The following DIS3L2 variants were observed in gnomAD, a reference collection of about 807,000 sequenced individuals.
The protein encoded by DIS3L2 is DIS3-like exonuclease 2.
A neutral mutation model predicts 97.5 loss-of-function variants in DIS3L2; 34 were observed. That is an observed-to-expected ratio of 0.35 (90% confidence interval 0.27 to 0.46). DIS3L2 has a LOEUF of 0.46. DIS3L2 is among the 20% of genes least tolerant of loss of function. The pLI is 1.00. For synonymous variants in DIS3L2, 435 were observed against 445.2 expected (o/e 0.98, Z 0.29); for missense variants, 1,038 against 1,146.0 (o/e 0.91, Z 1.36).
At position 232,336,762 on chromosome 2, in the gene DIS3L2, A is replaced by ATTT; in HGVS notation, c.*135_*137dup. 6.7e-7 allele frequency: 1 copy of ATTT among 1,481,964 alleles called. No homozygotes were observed. Among genetic ancestry groups the ATTT allele is most frequent in the South Asian group, 1.3e-5 (1 of 75,866 alleles). The allele number at this position is 1,481,964 out of a possible 1,614,324, so 91.8% of individuals were successfully genotyped here. Reference sequence around the variant, plus strand: ...AGGGGTTTGTTTTTATTTTTATTTAATTTTTGCAGCTCAACTTTTAAACAA... The same window carrying ATTT: ...AGGGGTTTGTTTTTATTTTTATTTAATTTTTTTTGCAGCTCAACTTTTAAACAA... On this transcript the variant is annotated 3_prime_UTR_variant, in exon 21 of 21. Transcript: ENST00000325385.
intron 6 of DIS3L2, among the ~76,000 whole-genome samples, chr2:232,102,337 C>T (rs952010279): frequency 6.6e-6 from 1 of 152,036 alleles, no homozygotes; most frequent in Non-Finnish European, 1.5e-5. Context: ...TTGGTTAGAA[C>T]CTGGGTTGGG....
intron 5 of DIS3L2, among the ~76,000 whole-genome samples, chr2:232,078,035 C>G (rs7584461): frequency 3.1e-4 from 28 of 91,166 alleles, no homozygotes; most frequent in Non-Finnish European, 5.3e-4. Context: ...CTTTCTCTTT[C>G]TCTTTCTTTT....
At chr2:231,968,339 G>GC (rs1045724779) in intron 1 of DIS3L2, among the ~76,000 whole-genome samples, 2 of 152,068 alleles carry the variant, frequency 1.3e-5, no homozygotes, top group African/African-American at 4.8e-5. Flanking sequence ...CTCGTGATCC[G>GC]CCCGCCTCGG....
At chr2:232,011,851 A>C (rs1342722698) in intron 1 of DIS3L2, among the ~76,000 whole-genome samples, 1 of 150,742 alleles carries the variant, frequency 6.6e-6, no homozygotes, top group East Asian at 2.0e-4. Context: ...GGGTTTCGCC[A>C]TGTTGCCCAG....
chr2:232,128,160 T>G (rs1698119075), intron 6 of DIS3L2, among the ~76,000 whole-genome samples: 1 of 152,090 alleles, frequency 6.6e-6, no homozygotes, highest in South Asian at 2.1e-4. Flanking sequence ...TTTGCCATGT[T>G]GCCCAGGCTG....
intron 5 of DIS3L2, among the ~76,000 whole-genome samples, chr2:232,059,495 T>A (rs1206854395): frequency 6.6e-6 from 1 of 152,194 alleles, no homozygotes; most frequent in African/African-American, 2.4e-5. Context: ...TAATTTCAAC[T>A]TTTATTTTAG....
chr2:232,244,725 G>A (rs2106259253), intron 11 of DIS3L2, among the ~76,000 whole-genome samples: 1 of 152,342 alleles, frequency 6.6e-6, no homozygotes, highest in South Asian at 2.1e-4. Context: ...GTGAAGAAGA[G>A]TTGAGGTTTT....
intron 6 of DIS3L2, among the ~76,000 whole-genome samples, chr2:232,091,521 T>C (rs529782266): frequency 2.6e-5 from 4 of 152,358 alleles, no homozygotes; most frequent in African/African-American, 9.6e-5. Context: ...CTCCATCGTG[T>C]ATATCTGCCA....
At chr2:232,168,522 G>T (rs1690891161) in intron 9 of DIS3L2, among the ~76,000 whole-genome samples, 1 of 151,580 alleles carries the variant, frequency 6.6e-6, no homozygotes, top group African/African-American at 2.4e-5. Flanking sequence ...TTTTTGCAAG[G>T]ATTAGTTTAG....
At chr2:232,118,374 A>G (rs1697791773) in intron 6 of DIS3L2, among the ~76,000 whole-genome samples, 1 of 152,204 alleles carries the variant, frequency 6.6e-6, no homozygotes, top group Non-Finnish European at 1.5e-5. Context: ...TGGTTCCTCT[A>G]TCAGCCTTTA....
chr2:232,329,786 CCCTCCCATCCCACCCA>C lies in DIS3L2; in HGVS notation c.1740-24_1740-9del. 2.3e-6 allele frequency: 1 copy of C among 430,236 alleles called. No homozygotes were observed. The highest frequency in any genetic ancestry group is 4.2e-6 in the Non-Finnish European group (1 of 237,560). 26.7% of individuals were successfully genotyped at this position (430,236 alleles called of 1,614,324 possible). On this transcript the variant is annotated splice_polypyrimidine_tract_variant and intron_variant, in intron 14 of 20. Transcript: ENST00000325385. ...GCACCTGTCCCCAAACCCCAGCGGT[CCCTCCCATCCCACCCA>C]CCCTCTGCAGGCTCGTGGAGGAGTT...
intron 10 of DIS3L2, among the ~76,000 whole-genome samples, chr2:232,226,657 A>G (rs890273307): frequency 4.6e-5 from 7 of 152,166 alleles, no homozygotes; most frequent in Admixed American, 1.3e-4. Flanking sequence ...TACCACATCC[A>G]TATCTATTAC....
chr2:232,072,498 G>T (rs1574852719), intron 5 of DIS3L2, among the ~76,000 whole-genome samples: 2 of 152,086 alleles, frequency 1.3e-5, no homozygotes. Flanking sequence ...GATCCGGGGT[G>T]GGGGTGCAGT....
downstream of DIS3L2, among the ~76,000 whole-genome samples, chr2:232,338,068 G>T (rs1559222979): frequency 6.6e-6 from 1 of 151,950 alleles, no homozygotes; most frequent in Non-Finnish European, 1.5e-5. Context: ...TGGGGGTTTG[G>T]TGTTGGGGTG....
downstream of DIS3L2, among the ~76,000 whole-genome samples, chr2:232,337,551 G>T (rs1276793888): frequency 6.6e-6 from 1 of 152,072 alleles, no homozygotes; most frequent in Non-Finnish European, 1.5e-5. Flanking sequence ...AGCAGAGCTG[G>T]CTGGCCACTG....
chr2:232,216,820 CCTCCT>C (rs1204233747), intron 10 of DIS3L2, among the ~76,000 whole-genome samples: 1 of 146,946 alleles, frequency 6.8e-6, no homozygotes, highest in South Asian at 2.4e-4. Flanking sequence ...AGGAAGAACA[CCTCCT>C]CTCCTCTCCC....
At chr2:232,115,793 C>T (rs1303544348) in intron 6 of DIS3L2, among the ~76,000 whole-genome samples, 1 of 152,160 alleles carries the variant, frequency 6.6e-6, no homozygotes, top group Non-Finnish European at 1.5e-5. Context: ...CCCCAGCCTA[C>T]AAAACTGTGA....
At chr2:232,238,740 A>C in intron 11 of DIS3L2, 95 bp downstream of exon 11, 1 of 1,151,666 alleles carries the variant, frequency 8.7e-7, no homozygotes, top group Non-Finnish European at 1.2e-6. Context: ...TGTTCTCCGG[A>C]AAGAGAAGCC....
intron 6 of DIS3L2, among the ~76,000 whole-genome samples, chr2:232,089,669 G>A (rs1398666440): frequency 2.0e-5 from 3 of 152,174 alleles, no homozygotes; most frequent in African/African-American, 4.8e-5. Flanking sequence ...AAACTACTTC[G>A]TGGAAACCCA....
Sources: allele counts gnomAD v4.1 joint callset (sites outside exome capture counted in the v4.1 genomes callset), GRCh38; gene constraint gnomAD v4.1.1; transcripts MANE v1.5; gene names NCBI Gene and HGNC (gene_info 2026-07-23, HGNC 2026-07-21).